FRZB: variants seen among roughly 807,000 people sequenced by gnomAD.
FRZB encodes frizzled related protein.
Under a neutral mutation model 32.5 loss-of-function variants are expected in FRZB, and 34 were observed. The observed-to-expected ratio is 1.05, with a 90% confidence interval of 0.80 to 1.39. The LOEUF is 1.39. FRZB is among the 40% of genes most tolerant of loss of function. The pLI, the probability that FRZB is intolerant of heterozygous loss-of-function variation, is 0.00. For missense variants in FRZB, 423 were observed against 424.8 expected (o/e 1.00, Z 0.04); for synonymous variants, 170 against 159.2 (o/e 1.07, Z -0.51).
intron 2 of FRZB, among the ~76,000 whole-genome samples, chr2:182,845,486 T>C (rs951123692): frequency 1.3e-5 from 2 of 152,198 alleles, no homozygotes; most frequent in Non-Finnish European, 2.9e-5. Flanking sequence ...CCATTAGATA[T>C]TGATTTTTCT....
At chr2:182,846,364 C>T (rs1313539534) in intron 2 of FRZB, among the ~76,000 whole-genome samples, 1 of 152,152 alleles carries the variant, frequency 6.6e-6, no homozygotes, top group Non-Finnish European at 1.5e-5. Flanking sequence ...ATCAGATCCC[C>T]AAACTCTCAT....
intron 2 of FRZB, among the ~76,000 whole-genome samples, chr2:182,855,536 A>T (rs1695758537): frequency 6.6e-6 from 1 of 152,204 alleles, no homozygotes. Flanking sequence ...AGAGTAGGAG[A>T]TTGAACAAGA....
intron 2 of FRZB, among the ~76,000 whole-genome samples, chr2:182,843,613 A>T (rs1297086853): frequency 6.6e-6 from 1 of 152,206 alleles, no homozygotes; most frequent in Non-Finnish European, 1.5e-5. Context: ...CAACAAAAAA[A>T]GTTTCACTTA....
At chr2:182,843,848 T>C (rs572368499) in intron 2 of FRZB, among the ~76,000 whole-genome samples, 23 of 152,198 alleles carry the variant, frequency 1.5e-4, no homozygotes, top group African/African-American at 5.5e-4. Context: ...GGAGGATCAC[T>C]TGAGCCCTGG....
chr2:182,836,881 G>T (rs1243566456), intron 5 of FRZB, among the ~76,000 whole-genome samples: 3 of 151,994 alleles, frequency 2.0e-5, no homozygotes, highest in Non-Finnish European at 4.4e-5. Context: ...GAACTTACTG[G>T]AGGGTAGTTT....
At chr2:182,853,494 A>C (rs1213427911) in intron 2 of FRZB, among the ~76,000 whole-genome samples, 1 of 152,228 alleles carries the variant, frequency 6.6e-6, no homozygotes, top group Non-Finnish European at 1.5e-5. Flanking sequence ...ACATTACTGG[A>C]CAGCAATGAT....
At chr2:182,854,008 C>A (rs1695739071) in intron 2 of FRZB, among the ~76,000 whole-genome samples, 1 of 152,086 alleles carries the variant, frequency 6.6e-6, no homozygotes, top group African/African-American at 2.4e-5. Context: ...CTATACACAG[C>A]CTAATGAAAA....
chr2:182,854,585 C>T (rs1386043290), intron 2 of FRZB, among the ~76,000 whole-genome samples: 1 of 152,192 alleles, frequency 6.6e-6, no homozygotes, highest in Non-Finnish European at 1.5e-5. Context: ...CAGCCTCTTG[C>T]ATTCCATTCC....
At chr2:182,846,102 A>G (rs1373420711) in intron 2 of FRZB, among the ~76,000 whole-genome samples, 2 of 152,326 alleles carry the variant, frequency 1.3e-5, no homozygotes, top group South Asian at 4.1e-4. Context: ...AGTTTTGCTC[A>G]TACAAATATG....
chr2:182,851,690 A>C (rs1272712412), intron 2 of FRZB, among the ~76,000 whole-genome samples: 2 of 152,116 alleles, frequency 1.3e-5, no homozygotes, highest in Admixed American at 6.5e-5. Flanking sequence ...CAAAAAAAAA[A>C]CAACTTCAGT....
intron 3 of FRZB, among the ~76,000 whole-genome samples, chr2:182,839,456 T>C (rs1262465518): frequency 1.3e-5 from 2 of 152,080 alleles, no homozygotes; most frequent in African/African-American, 4.8e-5. Flanking sequence ...TGCTATGGAA[T>C]ATATTCTCAC....
At chr2:182,863,975 G>A (rs1399589786) in intron 1 of FRZB, among the ~76,000 whole-genome samples, 1 of 152,130 alleles carries the variant, frequency 6.6e-6, no homozygotes, top group Non-Finnish European at 1.5e-5. Context: ...AAGGGAGCAG[G>A]GATGCCATCA....
In FRZB at chr2:182,838,532, G is replaced by C. The variant is rs763284977; in HGVS notation, c.674C>G (p.Ser225Cys). ...AVVEVKEILK[S>C]SLVNIPRDTV... ...GTCCCGTGGAATGTTTACCAGAGAG[G>C]ACTTTAGAATCTCCTTCACCTCCAC... is the stretch of plus-strand genomic sequence containing the variant. Residue 225 changes from serine to cysteine, a missense_variant, in exon 4 of 6, where the codon TCC becomes TGC. Ser to Cys is a moderately radical substitution (Grantham distance 112). Transcript: ENST00000295113. 37 of 1,612,856 alleles carry C rather than the reference G, an allele frequency of 2.3e-5. No homozygotes were observed. The East Asian group carries it at 6.2e-4, about 27-fold the overall frequency.
intron 2 of FRZB, among the ~76,000 whole-genome samples, chr2:182,850,473 C>T (rs530798760): frequency 4.6e-5 from 7 of 152,242 alleles, no homozygotes; most frequent in East Asian, 3.9e-4. Flanking sequence ...TGAAGGAGAA[C>T]GTGTGATATT....
intron 1 of FRZB, among the ~76,000 whole-genome samples, chr2:182,861,023 A>G (rs940844803): frequency 6.6e-6 from 1 of 152,220 alleles, no homozygotes; most frequent in Non-Finnish European, 1.5e-5. Flanking sequence ...GACTAGGGAC[A>G]TGAGAATCTG....
At chr2:182,836,806 G>C (rs1695530453) in intron 5 of FRZB, among the ~76,000 whole-genome samples, 1 of 152,146 alleles carries the variant, frequency 6.6e-6, no homozygotes, top group East Asian at 1.9e-4. Flanking sequence ...GAGATGCAGA[G>C]AGAATGCCCG....
At chr2:182,857,610 C>T (rs1206034762) in intron 2 of FRZB, among the ~76,000 whole-genome samples, 1 of 147,660 alleles carries the variant, frequency 6.8e-6, no homozygotes, top group African/African-American at 2.5e-5. Flanking sequence ...GAGCAAGACT[C>T]CATCTCAAAA....
intron 3 of FRZB, among the ~76,000 whole-genome samples, chr2:182,838,843 T>TTTGCTG (rs1695556431): frequency 6.6e-6 from 1 of 152,032 alleles, no homozygotes; most frequent in Admixed American, 6.6e-5. Flanking sequence ...TGGCTGTGTA[T>TTTGCTG]ATATTTGCAT....
intron 3 of FRZB, among the ~76,000 whole-genome samples, 169 bp downstream of exon 3, chr2:182,842,309 C>A (rs1695594994): frequency 6.6e-6 from 1 of 152,160 alleles, no homozygotes; most frequent in African/African-American, 2.4e-5. Flanking sequence ...CCGTGTGAGA[C>A]ATTTTAATTG....
Sources: gnomAD v4.1 joint callset for allele counts (sites outside exome capture counted in the v4.1 genomes callset) on GRCh38, gnomAD v4.1.1 for gene constraint, MANE v1.5 for transcripts, NCBI Gene and HGNC (gene_info 2026-07-23, HGNC 2026-07-21) for gene names.